The following PKD1L1 variants were observed in gnomAD, a reference collection of about 807,000 sequenced individuals.
PKD1L1 encodes the protein polycystin 1 like 1, transient receptor potential channel interacting.
Under a neutral mutation model 323.4 loss-of-function variants are expected in PKD1L1, and 236 were observed. That is an observed-to-expected ratio of 0.73 (90% CI 0.66 to 0.81). PKD1L1 has a LOEUF of 0.81. Ranked by LOEUF, PKD1L1 falls within the 40% of genes least tolerant of loss-of-function variation. PKD1L1 has a pLI of 0.00. For missense variants in PKD1L1, 3,320 were observed against 3,508.0 expected, an observed-to-expected ratio of 0.95 and a Z score of 1.35; for synonymous variants, 1,344 against 1,335.0, an observed-to-expected ratio of 1.01 and a Z score of -0.15.
upstream of PKD1L1, among the ~76,000 whole-genome samples, chr7:47,949,695 C>T (rs759311861): frequency 6.6e-5 from 10 of 152,178 alleles, no homozygotes; most frequent in Non-Finnish European, 1.3e-4. Flanking sequence ...ACTCAGAACA[C>T]TAGATATTTT....
intron 46 of PKD1L1, among the ~76,000 whole-genome samples, chr7:47,815,712 A>T (rs1785001856): frequency 6.6e-6 from 1 of 152,214 alleles, no homozygotes; most frequent in South Asian, 2.1e-4. Context: ...CTCAACAAAC[A>T]TTACTATGCA....
intron 7 of PKD1L1, among the ~76,000 whole-genome samples, chr7:47,927,486 G>A (rs947428769): frequency 1.1e-4 from 17 of 152,136 alleles, no homozygotes; most frequent in East Asian, 3.9e-4. Flanking sequence ...GGCTGGTCTC[G>A]AACTCTTGAC....
intron 56 of PKD1L1, among the ~76,000 whole-genome samples, chr7:47,777,364 G>A (rs1322344423): frequency 6.6e-6 from 1 of 152,134 alleles, no homozygotes; most frequent in Non-Finnish European, 1.5e-5. Flanking sequence ...TCCTTCCATG[G>A]ACATTTCATC....
Position 47,908,772 on chromosome 7 carries a change from T to TAA in PKD1L1, c.1229-523_1229-522insTT, listed in dbSNP as rs527574569. On this transcript the variant is annotated intron_variant, in intron 8 of 56. Coordinates refer to ENST00000289672, the MANE Select transcript of PKD1L1 (RefSeq NM_138295.5). ...CCTCTCATTAAGTGGAGAAGACTATTGCTTCACCCCTCGAATCAGTGCTAA... is the reference window on the plus strand; with the variant it reads ...CCTCTCATTAAGTGGAGAAGACTATTAAGCTTCACCCCTCGAATCAGTGCTAA... Among the ~76,000 whole-genome samples the TAA allele has an allele frequency of 1.6e-3, 238 of 152,344 alleles. 2 individuals are homozygous for TAA. Among genetic ancestry groups the TAA allele is most frequent in the African/African-American group, 5.3e-3 (221 of 41,584 alleles).
In PKD1L1 at chr7:47,940,178, C is replaced by A; in HGVS notation, c.285+15G>T. On this transcript the variant is annotated intron_variant, in intron 3 of 56. Coordinates refer to ENST00000289672, the MANE Select transcript of PKD1L1 (RefSeq NM_138295.5). The stretch of plus-strand genomic sequence containing the variant: ...TTCAGGAAGAAAAGCCTAATTTCCC[C>A]AGATCCAGGAATACCTTCTGCCTGG... 6.2e-7 allele frequency: 1 copy of A among 1,614,064 alleles called. No homozygotes were observed. The highest frequency in any genetic ancestry group is 8.5e-7 in the Non-Finnish European group (1 of 1,179,968).
At chr7:47,868,236 G>C (rs143721569) in intron 24 of PKD1L1, among the ~76,000 whole-genome samples, 1 of 152,010 alleles carries the variant, frequency 6.6e-6, no homozygotes, top group Non-Finnish European at 1.5e-5. Flanking sequence ...GGGCGTGGCG[G>C]TGTGTGCCTG....
At position 47,904,368 on chromosome 7, in the gene PKD1L1, A is replaced by C. The variant is rs943895581; in HGVS notation, c.1931+10T>G. The C allele has an allele frequency of 1.2e-6, 2 of 1,613,948 alleles. No individual in the cohort carries two copies. The highest frequency in any genetic ancestry group is 1.7e-6 in the Non-Finnish European group (2 of 1,179,956). ...TGTAGAGAGCACTCCGCCGCCTTGC[A>C]GTGGCTCACCTACTGTAGACATGGC... On this transcript the variant is annotated intron_variant, in intron 12 of 56. Transcript: ENST00000289672.
Position 47,887,380 on chromosome 7 carries a change from G to A in PKD1L1, c.2836+610C>T, listed in dbSNP as rs192776093. On this transcript the variant is annotated intron_variant, in intron 17 of 56. Coordinates refer to ENST00000289672, the MANE Select transcript of PKD1L1 (RefSeq NM_138295.5). ...CCTCTCTGATCACAAATAGTGCCAC[G>A]TGAGAAATCAGTCTCGCTCCTGGTT... Among the ~76,000 whole-genome samples the A allele has an allele frequency of 7.4e-4, 113 of 152,312 alleles. 1 individual carries two copies. The highest frequency in any genetic ancestry group is 6.5e-3 in the Admixed American group (99 of 15,296).
At chr7:47,832,238 G>A (rs1449995591) in intron 41 of PKD1L1, among the ~76,000 whole-genome samples, 5 of 152,164 alleles carry the variant, frequency 3.3e-5, no homozygotes, top group South Asian at 4.1e-4. Context: ...CCTCATCGGT[G>A]GCTGGTCTGC....
In PKD1L1 at chr7:47,904,613, G is replaced by A. The variant is rs775609940; in HGVS notation, c.1696C>T (p.Arg566Cys). The change falls in exon 12 of 57, where the codon CGT becomes TGT. Residue 566 changes from arginine (R) to cysteine (C), a missense_variant. Arg to Cys is a radical substitution (Grantham distance 180). Transcript: ENST00000289672. ...CTGTTGGAAGCCTTAACCATCACACGATACCTGCAGGATGGGGAAAGGAGG... is the reference window on the plus strand; with the variant it reads ...CTGTTGGAAGCCTTAACCATCACACAATACCTGCAGGATGGGGAAAGGAGG... Reference protein sequence around the residue: ...KKRLSIPQWYRVMVKASNRMS... With the variant: ...KKRLSIPQWYCVMVKASNRMS... 154 of 1,610,764 alleles carry A rather than the reference G, an allele frequency of 9.6e-5. No individual in the cohort carries two copies. Among genetic ancestry groups the A allele is most frequent in the Middle Eastern group, 1.7e-4 (1 of 6,050 alleles).
rs1784940035 is a variant in PKD1L1 at position 47,813,217 on chromosome 7, G to A, written c.7250C>T (p.Pro2417Leu). 6.2e-7 allele frequency: 1 copy of A among 1,614,204 alleles called. No individual in the cohort carries two copies. Among genetic ancestry groups the A allele is most frequent in the Non-Finnish European group, 8.5e-7 (1 of 1,180,038 alleles). The stretch of plus-strand genomic sequence containing the variant: ...TTGGTTCTCTGGGTCTATCAGGTAG[G>A]GGTTCTCAGGGCCTCCAACTTCGGG... ...CSPEVGGPENPYLIDPENQNV... is the reference protein window; with the variant it reads ...CSPEVGGPENLYLIDPENQNV... Residue 2417 changes from proline to leucine, a missense_variant, in exon 49 of 57, where the codon CCC becomes CTC. By Grantham distance (98) the Pro-to-Leu change is moderately conservative. Transcript: ENST00000289672.
chr7:47,882,043 G>T lies in PKD1L1; in HGVS notation c.3308C>A (p.Ala1103Asp). Residue 1103 changes from alanine (A) to aspartate (D), a missense_variant, in exon 20 of 57, where the codon GCC (alanine) becomes GAC (aspartate). Ala to Asp is a moderately radical substitution (Grantham distance 126, BLOSUM62 -2). Coordinates refer to ENST00000289672, the MANE Select transcript of PKD1L1 (RefSeq NM_138295.5). Reference sequence around the variant, plus strand: ...ATCCCCATCTCCAGGGCTCTCCTCGGCACTCAAGCTAGGTCCTGATCCTGG... The same window carrying T: ...ATCCCCATCTCCAGGGCTCTCCTCGTCACTCAAGCTAGGTCCTGATCCTGG... ...SFPGSGPSLS[A>D]EESPGDGDNL... The T allele has an allele frequency of 6.2e-7, 1 of 1,613,856 alleles. No individual in the cohort carries two copies.
intron 55 of PKD1L1, among the ~76,000 whole-genome samples, chr7:47,794,659 A>G (rs1787032413): frequency 6.6e-6 from 1 of 152,168 alleles, no homozygotes. Flanking sequence ...AGAATGGTGG[A>G]TCCTCTGACA....
the PKD1L1 span, among the ~76,000 whole-genome samples, chr7:47,957,877 A>ATATATATATATATATC: frequency 1.3e-5 from 2 of 148,546 alleles, no homozygotes; most frequent in Non-Finnish European, 3.0e-5. Flanking sequence ...ATATATATAT[A>ATATATATATATATATC]TCTAGAAATA....
At chr7:47,807,577 G>A (rs1329016049) in intron 52 of PKD1L1, among the ~76,000 whole-genome samples, 1 of 152,164 alleles carries the variant, frequency 6.6e-6, no homozygotes, top group African/African-American at 2.4e-5. Flanking sequence ...GCAGGGCAAG[G>A]AGGCAGAGTA....
At chr7:47,918,564 AC>A (rs1469680485) in intron 7 of PKD1L1, among the ~76,000 whole-genome samples, 1 of 152,198 alleles carries the variant, frequency 6.6e-6, no homozygotes, top group East Asian at 1.9e-4. Flanking sequence ...CGCAGAATAT[AC>A]ATTCTATTCA....
At chr7:47,813,865 C>T (rs1784957502) in intron 48 of PKD1L1, 66 bp downstream of exon 48, 3 of 1,362,458 alleles carry the variant, frequency 2.2e-6, no homozygotes, top group Admixed American at 3.4e-5. Flanking sequence ...GGGTCCTGCC[C>T]CAATGTTGCC....
In PKD1L1 at chr7:47,930,109, G is replaced by C. The variant is rs544264141; in HGVS notation, c.738-583C>G. Among the ~76,000 whole-genome samples the C allele has an allele frequency of 3.9e-5, 6 of 152,166 alleles. No homozygotes were observed. The South Asian group carries it at 1.2e-3, about 31-fold the overall frequency. On this transcript the variant is annotated intron_variant, in intron 6 of 56. Transcript: ENST00000289672. ...AAGCTGGTCTTGAGTAAAGCATATG[G>C]TGTTGGTACCATTACGTGGCATAAA...
intron 14 of PKD1L1, among the ~76,000 whole-genome samples, chr7:47,895,716 C>T (rs1786921396): frequency 1.3e-5 from 2 of 152,130 alleles, no homozygotes; most frequent in African/African-American, 4.8e-5. Flanking sequence ...CATGAAGGCA[C>T]TTAAATGCGT....
Sources: allele counts gnomAD v4.1 joint callset (sites outside exome capture counted in the v4.1 genomes callset), GRCh38; gene constraint gnomAD v4.1.1; transcripts MANE v1.5; gene names NCBI Gene and HGNC (gene_info 2026-07-23, HGNC 2026-07-21).